Variants in MACF1 observed in about 807,000 individuals in gnomAD.
MACF1 encodes the protein microtubule-actin cross-linking factor 1.
A neutral mutation model predicts 854.8 loss-of-function variants in MACF1; 193 were observed. That is an observed-to-expected ratio of 0.23 (90% CI 0.20 to 0.25). The LOEUF (loss-of-function observed/expected upper bound fraction) is 0.25. Among genes scored for constraint, MACF1 ranks in the 10% least tolerant of loss-of-function variants. MACF1 has a pLI of 1.00. For missense variants in MACF1, 7,722 were observed against 8,929.1 expected, an observed-to-expected ratio of 0.86 and a Z score of 5.45; for synonymous variants, 3,185 against 3,226.7, an observed-to-expected ratio of 0.99 and a Z score of 0.44.
upstream of MACF1, among the ~76,000 whole-genome samples, chr1:39,201,997 C>T (rs1463119297): frequency 1.7e-5 from 2 of 119,720 alleles, no homozygotes; most frequent in African/African-American, 3.2e-5. Context: ...GATGCACTCT[C>T]ACTCTGTCTC....
At chr1:39,377,594 A>G (rs763815214) in intron 52 of MACF1, among the ~76,000 whole-genome samples, 106 of 152,172 alleles carry the variant, frequency 7.0e-4, no homozygotes, top group Non-Finnish European at 1.2e-3. Context: ...GGCACTTAGG[A>G]TTTCTGTTTT....
chr1:39,386,018 T>C (rs753757525), intron 57 of MACF1, 89 bp downstream of exon 57: 1 of 1,398,078 alleles, frequency 7.2e-7, no homozygotes, highest in Non-Finnish European at 9.6e-7. Flanking sequence ...GATTCTAGGA[T>C]TCCCTTACGT....
intron 2 of MACF1, among the ~76,000 whole-genome samples, chr1:39,177,598 G>A (rs1020482019): frequency 2.6e-5 from 4 of 152,114 alleles, no homozygotes; most frequent in African/African-American, 4.8e-5. Context: ...GAGGGATGAT[G>A]GTGGGGGCAG....
In MACF1 at chr1:39,304,507, C is replaced by T. The variant is rs1311737763; in HGVS notation, c.2789+1429C>T. 3 of 1,391,644 alleles carry T rather than the reference C, an allele frequency of 2.2e-6. No individual in the cohort carries two copies. The African/African-American group carries it at 4.3e-5, about 20-fold the overall frequency. The allele number at this position is 1,391,644 out of a possible 1,614,324, so 86.2% of individuals were successfully genotyped here. A position where few individuals can be genotyped will look rare whatever the true frequency, so the allele number is the denominator to read the frequency against. On this transcript the variant is annotated intron_variant, in intron 23 of 100. Transcript: ENST00000564288. The stretch of plus-strand genomic sequence containing the variant: ...CTTTTCCTTGAGATTTTTCTGGAAG[C>T]ATAATGCCTCCTTTGGTTACAGTTT...
At chr1:39,125,270 A>G (rs927483243) in intron 2 of MACF1, among the ~76,000 whole-genome samples, 2 of 152,328 alleles carry the variant, frequency 1.3e-5, no homozygotes, top group Middle Eastern at 3.4e-3. Flanking sequence ...TACTTGTTCA[A>G]GCAGGTTGGT....
Position 39,370,010 on chromosome 1 carries a change from C to A in MACF1, c.12939-20C>A. On this transcript the variant is annotated intron_variant, in intron 50 of 100. Transcript: ENST00000564288. ...TTATAAAACTTAGTCTGGCAAGTAA[C>A]AAAACTGCTTCATTGACAGAGAGAA... 6.2e-7 allele frequency: 1 copy of A among 1,602,022 alleles called. No individual in the cohort carries two copies.
At chr1:39,458,266 C>T (rs1281952034) in intron 89 of MACF1, 104 bp from the exon 90 acceptor site, 1 of 1,132,028 alleles carries the variant, frequency 8.8e-7, no homozygotes, top group African/African-American at 1.6e-5. Context: ...CACAGCCTTT[C>T]CTGCCACCAC....
rs375441750 is a variant in MACF1 at position 39,084,398 on chromosome 1, G to A, written c.180G>A (p.Ser60=). The A allele has an allele frequency of 1.4e-4, 218 of 1,612,430 alleles. No homozygotes were observed. Among genetic ancestry groups the A allele is most frequent in the Non-Finnish European group, 1.8e-4 (210 of 1,180,024 alleles). The change falls in exon 2 of 94, where the codon TCG becomes TCA. Residue 60 remains serine, a synonymous_variant. Coordinates refer to the MACF1 transcript ENST00000361689. This position sits in a 1 kb window ranked among gnomAD's most constrained non-coding sequence, Gnocchi z 5.2. ...AGAAAAAGCGGAAAAGCCAGGATTCGGTGCTGGACCCTGCAGAGCGTGCTG... is the reference window on the plus strand; with the variant it reads ...AGAAAAAGCGGAAAAGCCAGGATTCAGTGCTGGACCCTGCAGAGCGTGCTG...
At position 39,182,837 on chromosome 1, in the gene MACF1, T is replaced by G. The variant is rs1643528820; in HGVS notation, c.221-48345T>G. The stretch of plus-strand genomic sequence containing the variant: ...CACATGACCCAGCAATTCCAAAGTA[T>G]ATATCCAAAAGAAATATTATATTCA... On this transcript the variant is annotated intron_variant, in intron 2 of 93. Coordinates refer to the MACF1 transcript ENST00000361689. 2.0e-5 allele frequency among the ~76,000 whole-genome samples: 3 copies of G among 152,320 alleles called. No individual in the cohort carries two copies. The South Asian group carries it at 6.2e-4, about 32-fold the overall frequency.
chr1:39,447,379 C>G, intron 80 of MACF1, 53 bp from the exon 81 acceptor site: 1 of 1,579,694 alleles, frequency 6.3e-7, no homozygotes, highest in Non-Finnish European at 8.6e-7. Flanking sequence ...GCCTATAATT[C>G]CTGAAATTGG....
chr1:39,441,231 A>G lies in MACF1; in HGVS notation c.18578A>G (p.Asn6193Ser). 1 of 1,614,096 alleles carries G rather than the reference A, an allele frequency of 6.2e-7. No individual in the cohort carries two copies. Residue 6193 changes from asparagine to serine, a missense_variant, in exon 74 of 101, where the codon AAT (asparagine) becomes AGT (serine). Physicochemically the swap from Asn to Ser is conservative, Grantham distance 46. Transcript: ENST00000564288. ...TGAATGTTTTTCCCCTAGATGAATA[A>G]TGCTTGGGAGAACTTAAACAAAACA... The part of the protein sequence containing the change: ...EVRKSIDEMN[N>S]AWENLNKTWK...
At chr1:39,235,826 C>G (rs1343619989) in intron 2 of MACF1, among the ~76,000 whole-genome samples, 1 of 152,170 alleles carries the variant, frequency 6.6e-6, no homozygotes, top group Non-Finnish European at 1.5e-5. Context: ...CCTCCAACTC[C>G]CGGGCTCAAG....
At chr1:39,284,017 G>A in intron 9 of MACF1, 49 bp from the exon 10 acceptor site, 1 of 1,600,250 alleles carries the variant, frequency 6.2e-7, no homozygotes, top group East Asian at 2.2e-5. Context: ...TCTTGTGCTT[G>A]TTTTGGATAT....
chr1:39,376,388 G>A (rs1182761845), intron 52 of MACF1, among the ~76,000 whole-genome samples: 1 of 152,158 alleles, frequency 6.6e-6, no homozygotes, highest in East Asian at 1.9e-4. Context: ...GTATATTTCA[G>A]TTCCTTACAT....
At chr1:39,435,829 G>C (rs930753959) in intron 70 of MACF1, 68 bp downstream of exon 70, 33 of 1,414,546 alleles carry the variant, frequency 2.3e-5, no homozygotes, top group Non-Finnish European at 2.8e-5. Flanking sequence ...CTCTGTATCA[G>C]GTATGTCTCT....
In MACF1 at chr1:39,372,559, C is replaced by A. The variant is rs149366946; in HGVS notation, c.13176C>A (p.Ile4392=). 1 of 1,613,490 alleles carries A rather than the reference C, an allele frequency of 6.2e-7. No homozygotes were observed. Among genetic ancestry groups the A allele is most frequent in the African/African-American group, 1.3e-5 (1 of 74,906 alleles). Residue 4392 remains isoleucine, a synonymous_variant, in exon 52 of 101, where the codon ATC becomes ATA. Coordinates refer to ENST00000564288, the MANE Select transcript of MACF1 (RefSeq NM_001394062.1). ...AAGGTACTTCTTTAGAAAATCTCAT[C>A]ATGGAAATCACAGCACCTGATTCCC... ...NCKGTSLENL[I]MEITAPDSQG... is the part of the protein sequence containing the mutation.
intron 71 of MACF1, among the ~76,000 whole-genome samples, 198 bp from the exon 72 acceptor site, chr1:39,439,074 ACT>A (rs1644045562): frequency 6.7e-6 from 1 of 150,146 alleles, no homozygotes; most frequent in African/African-American, 2.5e-5. Context: ...CAGGAGCAAG[ACT>A]CTGTCTCCAA....
chr1:39,439,212 A>T, intron 71 of MACF1, 62 bp from the exon 72 acceptor site: 1 of 942,380 alleles, frequency 1.1e-6, no homozygotes, highest in South Asian at 1.5e-5. Flanking sequence ...GGAATTTCTG[A>T]ATAGACCAAT....
rs1644274265 is a variant in MACF1 at position 39,448,588 on chromosome 1, A to C, written c.20089-6A>C. ...ACACTTTTTTCTTTTCTTTCTGGAA[A>C]CATAGGAGTTTCAGAAGACTCTTGG... On this transcript the variant is annotated splice_region_variant and splice_polypyrimidine_tract_variant and intron_variant, in intron 83 of 100. Transcript: ENST00000564288. The C allele has an allele frequency of 4.7e-6, 7 of 1,499,986 alleles. No homozygotes were observed. Among genetic ancestry groups the C allele is most frequent in the Non-Finnish European group, 6.2e-6 (7 of 1,120,796 alleles). 92.9% of individuals were successfully genotyped at this position (1,499,986 alleles called of 1,614,324 possible).
Sources: allele counts gnomAD v4.1 joint callset (sites outside exome capture counted in the v4.1 genomes callset), GRCh38; gene constraint gnomAD v4.1.1; non-coding constraint Gnocchi (gnomAD v3.1); transcripts MANE v1.5; gene names NCBI Gene and HGNC (gene_info 2026-07-23, HGNC 2026-07-21).